CORO2B: variants seen among roughly 807,000 people sequenced by gnomAD.
CORO2B encodes the protein coronin 2B, also known as coronin-2B.
Under a neutral mutation model 58.8 loss-of-function variants are expected in CORO2B, and 26 were observed. That is an observed-to-expected ratio of 0.44 (90% confidence interval 0.32 to 0.61). The LOEUF is 0.61. Among genes scored for constraint, CORO2B ranks in the 20% least tolerant of loss-of-function variants. The pLI, the probability that CORO2B is intolerant of heterozygous loss-of-function variation, is 0.04. For missense variants in CORO2B, 460 were observed against 645.1 expected (o/e 0.71, Z 3.11); for synonymous variants, 242 against 253.8 (o/e 0.95, Z 0.44).
Position 68,726,024 on chromosome 15 carries a change from A to T in CORO2B, c.*50A>T. On this transcript the variant is annotated 3_prime_UTR_variant, in exon 12 of 12. Transcript: ENST00000261861. ...GCCGATCTCTCCGTCGTTTCTACTC[A>T]TCCCTTAACTTCTCCCTTACCAGTG... is the stretch of plus-strand genomic sequence containing the variant. 6.2e-7 allele frequency: 1 copy of T among 1,604,174 alleles called. No homozygotes were observed. Among genetic ancestry groups the T allele is most frequent in the South Asian group, 1.1e-5 (1 of 90,680 alleles).
chr15:68,566,567 A>G, the CORO2B span, among the ~76,000 whole-genome samples: 3,239 of 152,092 alleles, frequency 0.021, 60 homozygotes, highest in Non-Finnish European at 0.032. Context: ...CGGACTCTTC[A>G]TGGTCCCAGA....
chr15:68,543,205 C>T, the CORO2B span, among the ~76,000 whole-genome samples: 1 of 152,202 alleles, frequency 6.6e-6, no homozygotes, highest in African/African-American at 2.4e-5. Context: ...TTTTCAAAGA[C>T]TGGCTCTCAC....
the CORO2B span, among the ~76,000 whole-genome samples, chr15:68,570,460 C>T: frequency 1.3e-5 from 2 of 152,156 alleles, no homozygotes; most frequent in African/African-American, 4.8e-5. Flanking sequence ...ATCATGAAGT[C>T]GTAAGACATC....
Position 68,719,495 on chromosome 15 carries a change from T to G in CORO2B, c.1254T>G (p.Ser418Arg), listed in dbSNP as rs746440309. ...AGGCTCCCATCAAAGAAAAGAAGAG[T>G]GTTGTGGTCAACGGAATAGATTTAT... is the stretch of plus-strand genomic sequence containing the variant. ...VFKAPIKEKK[S>R]VVVNGIDLLE... Residue 418 changes from serine to arginine, a missense_variant, in exon 11 of 12, where the codon AGT becomes AGG. This residue lies in a region of CORO2B where 108 missense variants were observed against 102.1 expected (regional missense o/e 1.06). Coordinates refer to ENST00000261861, the MANE Select transcript of CORO2B (RefSeq NM_006091.5). The G allele has an allele frequency of 2.5e-6, 4 of 1,614,082 alleles. No homozygotes were observed. In the South Asian group the frequency reaches 4.4e-5, roughly 18 times the overall value.
At chr15:68,614,258 A>G (rs985350705) in intron 1 of CORO2B, among the ~76,000 whole-genome samples, 13 of 152,208 alleles carry the variant, frequency 8.5e-5, no homozygotes, top group Admixed American at 2.6e-4. Flanking sequence ...GTAAGTCCCC[A>G]ATTCTGCTTC....
chr15:68,719,784 AC>A (rs1893118598), intron 11 of CORO2B, among the ~76,000 whole-genome samples: 1 of 152,134 alleles, frequency 6.6e-6, no homozygotes, highest in Non-Finnish European at 1.5e-5. Flanking sequence ...AAATTCACTA[AC>A]CCACAGTTAT....
chr15:68,544,845 C>T, the CORO2B span, among the ~76,000 whole-genome samples: 4 of 151,568 alleles, frequency 2.6e-5, no homozygotes, highest in African/African-American at 4.9e-5. Flanking sequence ...GGCACAATCT[C>T]GGCTCACTGC....
At chr15:68,711,761 A>T in intron 5 of CORO2B, 55 bp downstream of exon 5, 1 of 1,599,292 alleles carries the variant, frequency 6.3e-7, no homozygotes, top group Non-Finnish European at 8.5e-7. Context: ...GCTGGGGCTC[A>T]GCTTTCAGCA....
the CORO2B span, among the ~76,000 whole-genome samples, chr15:68,549,046 ACTC>A: frequency 6.7e-6 from 1 of 148,908 alleles, no homozygotes; most frequent in Non-Finnish European, 1.5e-5. Context: ...CCATAAAGAT[ACTC>A]CTCTTCTTCC....
chr15:68,616,265 A>C (rs1900354890), intron 1 of CORO2B, among the ~76,000 whole-genome samples: 1 of 152,198 alleles, frequency 6.6e-6, no homozygotes, highest in Non-Finnish European at 1.5e-5. Flanking sequence ...CCATCACCTC[A>C]GATGCACTTA....
At chr15:68,596,332 T>A (rs1367553509) in intron 1 of CORO2B, among the ~76,000 whole-genome samples, 5 of 131,480 alleles carry the variant, frequency 3.8e-5, no homozygotes, top group African/African-American at 1.5e-4. Flanking sequence ...GTAGAAATGC[T>A]GTTAAAGAAA....
At position 68,711,688 on chromosome 15, in the gene CORO2B, C is replaced by T. The variant is rs751387768; in HGVS notation, c.630C>T (p.Arg210=). Residue 210 remains arginine (R), a synonymous_variant, in exon 5 of 12, where the codon CGC becomes CGT. Transcript: ENST00000261861. ...KDKKLRVIEP[R]SGRVLQEANC... ...AGAAGCTGCGTGTGATTGAGCCCCG[C>T]TCTGGCCGTGTTCTGCAGGTGGAAC... 2 of 1,614,044 alleles carry T rather than the reference C, an allele frequency of 1.2e-6. No homozygotes were observed. The highest frequency in any genetic ancestry group is 2.2e-5 in the South Asian group (2 of 91,052).
rs1389000512 is a variant in CORO2B at position 68,725,531 on chromosome 15, A to G, written c.1312-312A>G. The stretch of plus-strand genomic sequence containing the variant: ...TGGTAAAGAAAAGCATTAAGTTAGG[A>G]CCCAAAAAGGGACAAGCTTGGGATA... On this transcript the variant is annotated intron_variant, in intron 11 of 11. Coordinates refer to ENST00000261861, the MANE Select transcript of CORO2B (RefSeq NM_006091.5). Among the ~76,000 whole-genome samples, 5 of 152,090 alleles carry G rather than the reference A, an allele frequency of 3.3e-5. 1 individual carries two copies. In the East Asian group the frequency reaches 9.7e-4, roughly 29 times the overall value.
rs1900506202 is a variant in CORO2B, at chr15:68,621,188, T to C, written c.16-23972T>C. Among the ~76,000 whole-genome samples, 3 of 152,142 alleles carry C rather than the reference T, an allele frequency of 2.0e-5. No homozygotes were observed. In the East Asian group the frequency reaches 5.8e-4, roughly 29 times the overall value. On this transcript the variant is annotated intron_variant, in intron 1 of 11. Transcript: ENST00000261861. ...TGTAGCCACAGCGTCTAATGAGCAA[T>C]TGAGCATCTTGGAGGTGCCAGGACC... is the stretch of plus-strand genomic sequence containing the variant.
chr15:68,637,912 C>T (rs1278502739), intron 1 of CORO2B, among the ~76,000 whole-genome samples: 1 of 152,204 alleles, frequency 6.6e-6, no homozygotes, highest in African/African-American at 2.4e-5. Context: ...CTAGAAAATG[C>T]ACCCGCTGGC....
chr15:68,683,621 C>T (rs1419971061), intron 2 of CORO2B, among the ~76,000 whole-genome samples: 1 of 152,194 alleles, frequency 6.6e-6, no homozygotes, highest in Non-Finnish European at 1.5e-5. Context: ...ATATTGGGAG[C>T]CTCACCTTCC....
chr15:68,566,505 C>T, the CORO2B span, among the ~76,000 whole-genome samples: 1 of 152,258 alleles, frequency 6.6e-6, no homozygotes, highest in African/African-American at 2.4e-5. Flanking sequence ...ATGCTGGTTC[C>T]TCCCCTTCCC....
chr15:68,562,097 C>A, the CORO2B span, among the ~76,000 whole-genome samples: 13 of 152,298 alleles, frequency 8.5e-5, no homozygotes, highest in African/African-American at 2.9e-4. Flanking sequence ...ATGTTGTCCT[C>A]CAGCCACCCC....
the CORO2B span, among the ~76,000 whole-genome samples, chr15:68,522,341 C>G: frequency 3.3e-5 from 5 of 152,200 alleles, no homozygotes; most frequent in African/African-American, 1.2e-4. Context: ...TGTTAATATT[C>G]AAACTCTCCA....
Sources: gnomAD v4.1 joint callset for allele counts (sites outside exome capture counted in the v4.1 genomes callset) on GRCh38, gnomAD v4.1.1 for gene constraint, gnomAD v4.1.1 regional missense constraint, MANE v1.5 for transcripts, NCBI Gene and HGNC (gene_info 2026-07-23, HGNC 2026-07-21) for gene names.